The following CTNNA2 variants were observed in gnomAD, a reference collection of about 807,000 sequenced individuals.
The protein encoded by CTNNA2 is catenin alpha 2.
A neutral mutation model predicts 101.0 loss-of-function variants in CTNNA2; 42 were observed. That is an observed-to-expected ratio of 0.42 (90% CI 0.32 to 0.54). The LOEUF is 0.54. CTNNA2 is among the 20% of genes least tolerant of loss of function. The pLI is 0.14. For missense variants in CTNNA2, 871 were observed against 1,223.1 expected (o/e 0.71, Z 4.29); for synonymous variants, 450 against 456.4 (o/e 0.99, Z 0.18).
chr2:79,692,533 C>A (rs1265957739), intron 2 of CTNNA2, among the ~76,000 whole-genome samples: 3 of 151,882 alleles, frequency 2.0e-5, no homozygotes, highest in Admixed American at 6.6e-5. Context: ...TGGTAAATTA[C>A]AAAGGATTAT....
At chr2:79,555,149 G>A (rs1674364329) in intron 1 of CTNNA2, among the ~76,000 whole-genome samples, 1 of 152,198 alleles carries the variant, frequency 6.6e-6, no homozygotes, top group Admixed American at 6.6e-5. Context: ...AAATTGAGAT[G>A]CAGGTGACAT....
At position 80,230,722 on chromosome 2, in the gene CTNNA2, C is replaced by G. The variant is rs138784269; in HGVS notation, c.1057-162489C>G. On this transcript the variant is annotated intron_variant, in intron 7 of 18. Coordinates refer to ENST00000402739, the MANE Select transcript of CTNNA2 (RefSeq NM_001282597.3). ...CCACTGCAGCTATTTTGTTGTTATC[C>G]AGAGGAAGATGAAGCTCACATAAGG... Among the ~76,000 whole-genome samples the G allele has an allele frequency of 2.6e-3, 393 of 152,238 alleles. 1 individual carries two copies. The highest frequency in any genetic ancestry group is 5.7e-3 in the Admixed American group (87 of 15,292).
intron 6 of CTNNA2, among the ~76,000 whole-genome samples, chr2:79,898,673 T>C (rs892107638): frequency 6.6e-6 from 1 of 152,194 alleles, no homozygotes; most frequent in African/African-American, 2.4e-5. Context: ...TCCCTTCTAC[T>C]TCCATTTTTC....
chr2:79,288,637 T>G (rs1675695257), intron 2 of CTNNA2, among the ~76,000 whole-genome samples: 1 of 152,302 alleles, frequency 6.6e-6, no homozygotes, highest in African/African-American at 2.4e-5. Flanking sequence ...TCCATGTGGC[T>G]AGCTTAAGCT....
chr2:79,292,354 T>A (rs2104381880), intron 2 of CTNNA2, among the ~76,000 whole-genome samples: 1 of 152,308 alleles, frequency 6.6e-6, no homozygotes, highest in Middle Eastern at 3.4e-3. Context: ...CATAGTTCAC[T>A]CTGCAGTCAC....
intron 1 of CTNNA2, among the ~76,000 whole-genome samples, chr2:79,639,974 A>C (rs916912561): frequency 4.0e-5 from 6 of 151,820 alleles, no homozygotes; most frequent in Admixed American, 2.0e-4. Context: ...AGAGAGAGAG[A>C]GAGAAACTTG....
At chr2:80,071,173 A>AT (rs1305572449) in intron 7 of CTNNA2, among the ~76,000 whole-genome samples, 4 of 152,104 alleles carry the variant, frequency 2.6e-5, no homozygotes, top group Admixed American at 2.6e-4. Context: ...GCACTTCAAT[A>AT]TTTTCCTCAT....
chr2:79,270,912 T>C (rs903460274), intron 2 of CTNNA2, among the ~76,000 whole-genome samples: 4 of 151,974 alleles, frequency 2.6e-5, no homozygotes, highest in African/African-American at 9.7e-5. Context: ...CATCTTTCTC[T>C]GCAGGAGTAA....
chr2:79,244,676 A>C (rs1262883199), intron 2 of CTNNA2, among the ~76,000 whole-genome samples: 1 of 152,214 alleles, frequency 6.6e-6, no homozygotes, highest in Non-Finnish European at 1.5e-5. Context: ...CAGCGATTTC[A>C]CTGACTTTGT....
At chr2:80,344,858 T>C (rs1056052911) in intron 7 of CTNNA2, among the ~76,000 whole-genome samples, 1 of 152,180 alleles carries the variant, frequency 6.6e-6, no homozygotes, top group Non-Finnish European at 1.5e-5. Flanking sequence ...TCTATCGTCC[T>C]AGTGCTTTAT....
intron 9 of CTNNA2, among the ~76,000 whole-genome samples, chr2:80,445,045 G>A (rs960930467): frequency 1.3e-5 from 2 of 152,130 alleles, no homozygotes; most frequent in Non-Finnish European, 2.9e-5. Context: ...TTCACAATTT[G>A]AGAAGATCAC....
chr2:79,541,454 A>G (rs896247776), intron 1 of CTNNA2, among the ~76,000 whole-genome samples: 3 of 143,398 alleles, frequency 2.1e-5, no homozygotes, highest in African/African-American at 7.8e-5. Flanking sequence ...ATATATATAT[A>G]TATACACTCA....
intron 7 of CTNNA2, among the ~76,000 whole-genome samples, chr2:80,275,816 C>T (rs1673859236): frequency 6.6e-6 from 1 of 152,094 alleles, no homozygotes; most frequent in Non-Finnish European, 1.5e-5. Context: ...AAAGAAAATG[C>T]ATGGTGTATA....
In CTNNA2 at chr2:80,072,285, A is replaced by G. The variant is rs1056903604; in HGVS notation, c.1056+162488A>G. 2.0e-5 allele frequency among the ~76,000 whole-genome samples: 3 copies of G among 152,156 alleles called. No individual in the cohort carries two copies. The East Asian group carries it at 5.8e-4, about 30-fold the overall frequency. On this transcript the variant is annotated intron_variant, in intron 7 of 18. Transcript: ENST00000402739. ...GCACAGATCATATTCCTGCTTTAAA[A>G]TGTCACCTACCTTTTCTCCTCTTTT...
intron 7 of CTNNA2, among the ~76,000 whole-genome samples, chr2:80,218,259 G>A (rs976495922): frequency 2.0e-5 from 3 of 152,198 alleles, no homozygotes; most frequent in Non-Finnish European, 2.9e-5. Context: ...AAATGGCTGT[G>A]GGTCTCTGTT....
chr2:79,982,760 A>AT, intron 7 of CTNNA2, among the ~76,000 whole-genome samples: 1 of 151,922 alleles, frequency 6.6e-6, no homozygotes, highest in East Asian at 1.9e-4. Context: ...ATTGATCTCC[A>AT]TTTTTGTGCT....
chr2:79,490,554 C>T (rs1440722672), intron 4 of CTNNA2, among the ~76,000 whole-genome samples: 1 of 152,196 alleles, frequency 6.6e-6, no homozygotes, highest in Non-Finnish European at 1.5e-5. Flanking sequence ...CTGCTTACAA[C>T]ATGACCGTCC....
At chr2:79,312,036 G>A (rs1257444332) in intron 2 of CTNNA2, among the ~76,000 whole-genome samples, 1 of 151,904 alleles carries the variant, frequency 6.6e-6, no homozygotes, top group Middle Eastern at 3.4e-3. Context: ...TTGAGTAGCT[G>A]GGACAACAGG....
intron 7 of CTNNA2, among the ~76,000 whole-genome samples, chr2:80,147,835 T>C (rs1381929790): frequency 6.6e-6 from 1 of 152,116 alleles, no homozygotes; most frequent in African/African-American, 2.4e-5. Context: ...TGTGGTTCCT[T>C]AGAGAAACAC....
Sources: gnomAD v4.1 joint callset for allele counts (sites outside exome capture counted in the v4.1 genomes callset) on GRCh38, gnomAD v4.1.1 for gene constraint, MANE v1.5 for transcripts, NCBI Gene and HGNC (gene_info 2026-07-23, HGNC 2026-07-21) for gene names.